Variants in CFAP299 observed in about 807,000 individuals in gnomAD.
CFAP299 encodes cilia- and flagella-associated protein 299.
A neutral mutation model predicts 27.0 loss-of-function variants in CFAP299; 21 were observed. That is an observed-to-expected ratio of 0.78 (90% confidence interval 0.55 to 1.12). The LOEUF (loss-of-function observed/expected upper bound fraction) is 1.12, where lower values mean the gene tolerates loss of function less well. Among genes scored for constraint, CFAP299 ranks in the 50% most tolerant of loss-of-function variants. The pLI, the probability that CFAP299 is intolerant of heterozygous loss-of-function variation, is 0.00. For synonymous variants in CFAP299, 104 were observed against 98.1 expected (o/e 1.06, Z -0.36); for missense variants, 310 against 276.6 (o/e 1.12, Z -0.86).
In CFAP299 at chr4:80,689,758, A is replaced by C. The variant is rs1345711164; in HGVS notation, c.333+106575A>C. Among the ~76,000 whole-genome samples, 3 of 152,356 alleles carry C rather than the reference A, an allele frequency of 2.0e-5. No individual in the cohort carries two copies. The East Asian group carries it at 5.8e-4, about 29-fold the overall frequency. ...AAGACATAGACTGGCAAATTGGATAAGGAGTCAAGACCCATCAGTGTGCTG... is the reference window on the plus strand; with the variant it reads ...AAGACATAGACTGGCAAATTGGATACGGAGTCAAGACCCATCAGTGTGCTG... On this transcript the variant is annotated intron_variant, in intron 3 of 5. Transcript: ENST00000358105.
intron 3 of CFAP299, among the ~76,000 whole-genome samples, chr4:80,843,189 T>C (rs1159969475): frequency 6.6e-6 from 1 of 152,060 alleles, no homozygotes; most frequent in East Asian, 1.9e-4. Context: ...CATTAACTCG[T>C]CGTTTACATT....
chr4:80,383,476 G>T (rs1297573943), intron 2 of CFAP299, among the ~76,000 whole-genome samples: 1 of 151,978 alleles, frequency 6.6e-6, no homozygotes, highest in Non-Finnish European at 1.5e-5. Flanking sequence ...TTCTTTCAAG[G>T]AATCATATAG....
chr4:80,609,180 A>T (rs987406197), intron 3 of CFAP299, among the ~76,000 whole-genome samples: 1 of 152,020 alleles, frequency 6.6e-6, no homozygotes, highest in Admixed American at 6.6e-5. Flanking sequence ...AAAATGCTTT[A>T]AAAAAATAAG....
intron 2 of CFAP299, among the ~76,000 whole-genome samples, chr4:80,482,876 T>C (rs1209688533): frequency 6.6e-6 from 1 of 152,186 alleles, no homozygotes; most frequent in African/African-American, 2.4e-5. Context: ...TATTTAGTAG[T>C]GTATATGTAA....
chr4:80,370,429 A>G (rs528603195), intron 2 of CFAP299, among the ~76,000 whole-genome samples: 1 of 152,310 alleles, frequency 6.6e-6, no homozygotes, highest in Middle Eastern at 3.4e-3. Flanking sequence ...GTCTTAACTC[A>G]TTCCACTATT....
At chr4:80,734,127 T>C (rs1323809994) in intron 3 of CFAP299, among the ~76,000 whole-genome samples, 1 of 152,086 alleles carries the variant, frequency 6.6e-6, no homozygotes, top group Non-Finnish European at 1.5e-5. Flanking sequence ...TCACCAGCAT[T>C]TCCTATTGCC....
At chr4:80,608,376 A>T in intron 3 of CFAP299, 1 of 1,529,014 alleles carries the variant, frequency 6.5e-7, no homozygotes, top group African/African-American at 1.4e-5. Context: ...TTGAAGAAGC[A>T]ACTGGCAGTA....
In CFAP299 at chr4:80,355,354, C is replaced by CTTTTTTT. The variant is rs70944772; in HGVS notation, c.112-7385_112-7379dup. ...TTTTGAAAAGTGTTCATGTCCTTTG[C>CTTTTTTT]TTTTTTTTTTTTTTTTTTTTTGAGA... On this transcript the variant is annotated intron_variant, in intron 1 of 5. Transcript: ENST00000358105. Among the ~76,000 whole-genome samples the CTTTTTTT allele has an allele frequency of 1.1e-3, 106 of 95,494 alleles. 1 individual carries two copies. Among genetic ancestry groups the CTTTTTTT allele is most frequent in the Middle Eastern group, 0.01 (1 of 100 alleles). 62.6% of individuals were successfully genotyped at this position (95,494 alleles called of 152,430 possible).
chr4:80,718,701 A>C (rs1306385711), intron 3 of CFAP299, among the ~76,000 whole-genome samples: 1 of 152,162 alleles, frequency 6.6e-6, no homozygotes, highest in Non-Finnish European at 1.5e-5. Flanking sequence ...ATTACTGATC[A>C]AATTTTTAAA....
chr4:80,324,902 C>T, the CFAP299 span, among the ~76,000 whole-genome samples: 1 of 152,168 alleles, frequency 6.6e-6, no homozygotes, highest in Non-Finnish European at 1.5e-5. Flanking sequence ...GGGGTTGGAA[C>T]ACCTGAGGTC....
chr4:80,741,987 T>C (rs1165932526), intron 3 of CFAP299, among the ~76,000 whole-genome samples: 1 of 152,130 alleles, frequency 6.6e-6, no homozygotes, highest in Non-Finnish European at 1.5e-5. Context: ...CTGAGTTCAA[T>C]GTAAAGACCC....
At chr4:80,467,676 G>A (rs1396814487) in intron 2 of CFAP299, among the ~76,000 whole-genome samples, 4 of 152,182 alleles carry the variant, frequency 2.6e-5, no homozygotes, top group Non-Finnish European at 5.9e-5. Flanking sequence ...TTCATGCTAA[G>A]TGCTATGATA....
At chr4:80,476,073 A>G (rs1008383538) in intron 2 of CFAP299, among the ~76,000 whole-genome samples, 5 of 152,170 alleles carry the variant, frequency 3.3e-5, no homozygotes, top group African/African-American at 1.2e-4. Context: ...CTGCAACTCT[A>G]CAGCATCATT....
intron 3 of CFAP299, among the ~76,000 whole-genome samples, chr4:80,839,970 A>G (rs1730773251): frequency 6.6e-6 from 1 of 152,110 alleles, no homozygotes; most frequent in Non-Finnish European, 1.5e-5. Flanking sequence ...TCTACAGATA[A>G]TGAAACTGCT....
Position 80,492,686 on chromosome 4 carries a change from G to A in CFAP299, c.243-90407G>A, listed in dbSNP as rs560209460. Among the ~76,000 whole-genome samples the A allele has an allele frequency of 1.8e-4, 27 of 152,254 alleles. No individual in the cohort carries two copies. The South Asian group carries it at 5.6e-3, about 32-fold the overall frequency. On this transcript the variant is annotated intron_variant, in intron 2 of 5. Coordinates refer to ENST00000358105, the MANE Select transcript of CFAP299 (RefSeq NM_152770.3). Reference sequence around the variant, plus strand: ...TTTTATTATTATTAAGGTATGGTGAGGCCAACAGATCATGAGACATTCACC... The same window carrying A: ...TTTTATTATTATTAAGGTATGGTGAAGCCAACAGATCATGAGACATTCACC...
In CFAP299 at chr4:80,798,319, G is replaced by A. The variant is rs2110103834; in HGVS notation, c.334-71674G>A. 1.3e-5 allele frequency among the ~76,000 whole-genome samples: 2 copies of A among 152,202 alleles called. 1 individual carries two copies. Among genetic ancestry groups the A allele is most frequent in the South Asian group, 4.1e-4 (2 of 4,824 alleles). On this transcript the variant is annotated intron_variant, in intron 3 of 5. Transcript: ENST00000358105. ...ACAGGGTTTATCTCCTCAGATGAAAGTGGAAAGGCTGATGGCAGCATGAGT... is the reference window on the plus strand; with the variant it reads ...ACAGGGTTTATCTCCTCAGATGAAAATGGAAAGGCTGATGGCAGCATGAGT...
chr4:80,770,626 A>G (rs1368888399), intron 3 of CFAP299, among the ~76,000 whole-genome samples: 1 of 151,912 alleles, frequency 6.6e-6, no homozygotes, highest in African/African-American at 2.4e-5. Context: ...ATAAATTTAT[A>G]AAAAATGTGT....
chr4:80,485,407 G>A (rs756271346), intron 2 of CFAP299, among the ~76,000 whole-genome samples: 1 of 151,896 alleles, frequency 6.6e-6, no homozygotes, highest in African/African-American at 2.4e-5. Context: ...TGGTTGGGAA[G>A]GGGGTTGTTC....
intron 3 of CFAP299, among the ~76,000 whole-genome samples, chr4:80,782,080 T>C (rs1726912066): frequency 6.6e-6 from 1 of 152,146 alleles, no homozygotes; most frequent in Admixed American, 6.6e-5. Context: ...CCTTTTAGCC[T>C]ATGTGTTCAG....
Sources: allele counts gnomAD v4.1 joint callset (sites outside exome capture counted in the v4.1 genomes callset), GRCh38; gene constraint gnomAD v4.1.1; transcripts MANE v1.5; gene names NCBI Gene and HGNC (gene_info 2026-07-23, HGNC 2026-07-21).